The following NTMT1 variants were observed in gnomAD, a reference collection of about 807,000 sequenced individuals.
NTMT1 encodes the protein N-terminal RCC1 methyltransferase.
In NTMT1, 8 loss-of-function variants were observed where a neutral mutation model predicts 17.5. That is an observed-to-expected ratio of 0.46 (90% confidence interval 0.27 to 0.82). NTMT1 has a LOEUF of 0.82. Among genes scored for constraint, NTMT1 ranks in the 40% least tolerant of loss-of-function variants. The probability of loss-of-function intolerance (pLI) is 0.15; values close to 1 mark genes in which losing one functional copy is unlikely to be tolerated. For missense variants in NTMT1, 221 were observed against 303.5 expected (o/e 0.73, Z 2.02); for synonymous variants, 128 against 126.8 (o/e 1.01, Z -0.06).
upstream of NTMT1, among the ~76,000 whole-genome samples, chr9:129,622,764 A>G (rs1830771450): frequency 6.6e-6 from 1 of 152,078 alleles, no homozygotes; most frequent in Non-Finnish European, 1.5e-5. Flanking sequence ...CCAGTGGCTC[A>G]TACCTGTAAT....
rs1299263718 is a variant in NTMT1, at chr9:129,613,396, C to T, written c.-55+4218C>T. ...AGGCAAGGGGGGTGGAGGGCCCTGG[C>T]AATGTCCACGAGTCCCATCCGCTTC... On this transcript the variant is annotated intron_variant, in intron 1 of 3. Transcript: ENST00000372486. The surrounding 1 kb of genome is among the most constrained non-coding windows in gnomAD (Gnocchi z 6.2). The T allele has an allele frequency of 1.9e-6, 3 of 1,604,280 alleles. No homozygotes were observed. The highest frequency in any genetic ancestry group is 2.7e-5 in the African/African-American group (2 of 74,694).
chr9:129,632,331 C>G (rs1020873128), intron 1 of NTMT1, among the ~76,000 whole-genome samples: 3 of 152,230 alleles, frequency 2.0e-5, no homozygotes, highest in African/African-American at 7.2e-5. Context: ...GTAGTCCTAG[C>G]TGCTCCGGAG....
chr9:129,615,255 G>T (rs1830301770), intron 1 of NTMT1, among the ~76,000 whole-genome samples: 1 of 152,218 alleles, frequency 6.6e-6, no homozygotes, highest in South Asian at 2.1e-4. Flanking sequence ...AGTCCAAGGT[G>T]CTGCCTGCGT....
intron 1 of NTMT1, chr9:129,619,453 G>C (rs1272941033): frequency 8.8e-7 from 1 of 1,141,998 alleles, no homozygotes; most frequent in Non-Finnish European, 1.3e-6. Context: ...GGGCGAAAGA[G>C]GAAAGAAAGA....
chr9:129,613,226 G>A lies in NTMT1; in HGVS notation c.-55+4048G>A. 1 of 1,611,748 alleles carries A rather than the reference G, an allele frequency of 6.2e-7. No homozygotes were observed. The highest frequency in any genetic ancestry group is 1.1e-5 in the South Asian group (1 of 91,024). ...CTGTTCATGGAGGTGTCCTCAGAAA[G>A]GTAGCCCTGTGTCTTCTGGGTGGAC... On this transcript the variant is annotated intron_variant, in intron 1 of 3. Transcript: ENST00000372486. This position sits in a 1 kb window ranked among gnomAD's most constrained non-coding sequence, Gnocchi z 6.2.
chr9:129,619,310 A>G (rs1830553490), intron 1 of NTMT1, among the ~76,000 whole-genome samples: 1 of 152,206 alleles, frequency 6.6e-6, no homozygotes, highest in African/African-American at 2.4e-5. Context: ...AGAAGACCTC[A>G]TTAATGGATG....
chr9:129,612,692 G>C (rs1380406255), intron 1 of NTMT1, among the ~76,000 whole-genome samples: 1 of 152,338 alleles, frequency 6.6e-6, no homozygotes, highest in Admixed American at 6.5e-5. Flanking sequence ...AGCCTGGCCA[G>C]CATAGTGAAA....
chr9:129,612,972 C>G, intron 1 of NTMT1: 1 of 1,124,802 alleles, frequency 8.9e-7, no homozygotes, highest in Non-Finnish European at 1.3e-6. Context: ...CCACTGCAAG[C>G]CCCCACGGTG....
Position 129,635,512 on chromosome 9 carries a change from A to G in NTMT1, c.*48A>G, listed in dbSNP as rs1588146970. ...GAGGAACCACAGTCCTGGTGGGGGG[A>G]GCTGGCAGCTGGGCAAGATCCAGGC... On this transcript the variant is annotated 3_prime_UTR_variant, in exon 4 of 4. Coordinates refer to ENST00000372483, the MANE Select transcript of NTMT1 (RefSeq NM_014064.4). 6.4e-7 allele frequency: 1 copy of G among 1,570,822 alleles called. No individual in the cohort carries two copies. Among genetic ancestry groups the G allele is most frequent in the Non-Finnish European group, 8.6e-7 (1 of 1,157,330 alleles).
At chr9:129,615,407 G>A (rs1830316781) in intron 1 of NTMT1, 1 of 1,428,888 alleles carries the variant, frequency 7.0e-7, no homozygotes, top group Non-Finnish European at 9.3e-7. Flanking sequence ...TCACTCTAGG[G>A]GCCCGGAGCT....
Position 129,620,749 on chromosome 9 carries a change from A to G in NTMT1, c.-55+11571A>G. 1 of 509,414 alleles carries G rather than the reference A, an allele frequency of 2.0e-6. No individual in the cohort carries two copies. The highest frequency in any genetic ancestry group is 3.0e-6 in the Non-Finnish European group (1 of 328,984). 31.6% of individuals were successfully genotyped at this position (509,414 alleles called of 1,614,324 possible). A position where few individuals can be genotyped will look rare whatever the true frequency, so the allele number is the denominator to read the frequency against. On this transcript the variant is annotated intron_variant, in intron 1 of 3. Coordinates refer to the NTMT1 transcript ENST00000372486. This position sits in a 1 kb window ranked among gnomAD's most constrained non-coding sequence, Gnocchi z 5.8. ...CGAGTGGCTTCAGGCGAGAGCTCCC[A>G]GAGCCTCTGTTTCCTCACCTGAAAA...
upstream of NTMT1, among the ~76,000 whole-genome samples, chr9:129,622,234 T>TTG (rs1315358862): frequency 2.0e-5 from 3 of 152,228 alleles, no homozygotes; most frequent in African/African-American, 7.2e-5. Flanking sequence ...GTCTCACGCC[T>TTG]GTAATCCCAG....
intron 1 of NTMT1, among the ~76,000 whole-genome samples, chr9:129,615,298 C>A (rs1830307507): frequency 6.6e-6 from 1 of 152,212 alleles, no homozygotes; most frequent in African/African-American, 2.4e-5. Flanking sequence ...GGACCCTCTA[C>A]TTGGTCTTCG....
At position 129,620,900 on chromosome 9, in the gene NTMT1, T is replaced by G; in HGVS notation, c.-55+11722T>G. On this transcript the variant is annotated intron_variant, in intron 1 of 3. Coordinates refer to the NTMT1 transcript ENST00000372486. This position sits in a 1 kb window ranked among gnomAD's most constrained non-coding sequence, Gnocchi z 5.8. ...ACGCTGGCCAAGCTTACACATAGAC[T>G]AGCTGCCATTCTTAGTATTTCAAAG... 1 of 270,754 alleles carries G rather than the reference T, an allele frequency of 3.7e-6. No homozygotes were observed. Among genetic ancestry groups the G allele is most frequent in the Non-Finnish European group, 6.9e-6 (1 of 145,100 alleles). 16.8% of individuals were successfully genotyped at this position (270,754 alleles called of 1,614,324 possible).
In NTMT1 at chr9:129,635,553, C is replaced by T. The variant is rs541975307; in HGVS notation, c.*89C>T. 4.5e-5 allele frequency: 66 copies of T among 1,453,490 alleles called. No homozygotes were observed. The highest frequency in any genetic ancestry group is 2.2e-4 in the Admixed American group (11 of 50,676). 90.0% of individuals were successfully genotyped at this position (1,453,490 alleles called of 1,614,324 possible). A position where few individuals can be genotyped will look rare whatever the true frequency, so the allele number is the denominator to read the frequency against. ...AGATCCAGGCGCCACGCTGGCGGTT[C>T]GTGAGTGTCGAGGCACCACTAAATA... On this transcript the variant is annotated 3_prime_UTR_variant, in exon 4 of 4. Transcript: ENST00000372483.
intron 1 of NTMT1, chr9:129,615,519 T>A: frequency 6.2e-7 from 1 of 1,610,372 alleles, no homozygotes. Context: ...GAGCGTTGTG[T>A]CCTGCAGGGT....
chr9:129,611,918 A>AT (rs1038031952), intron 1 of NTMT1, among the ~76,000 whole-genome samples: 23 of 150,332 alleles, frequency 1.5e-4, no homozygotes, highest in South Asian at 8.5e-4. Flanking sequence ...ACGCCCAGCT[A>AT]TTTTTTTTTC....
intron 1 of NTMT1, among the ~76,000 whole-genome samples, chr9:129,610,040 G>A (rs953309906): frequency 3.3e-5 from 5 of 150,604 alleles, no homozygotes; most frequent in African/African-American, 9.8e-5. Context: ...CTCGGGGTGC[G>A]TATCTCGGTG....
At chr9:129,619,630 C>G (rs1830570767) in intron 1 of NTMT1, 11 of 1,613,954 alleles carry the variant, frequency 6.8e-6, no homozygotes, top group Non-Finnish European at 7.6e-6. Flanking sequence ...GGTGCGATGA[C>G]TGGCCCCTTA....
Sources: gnomAD v4.1 joint callset for allele counts (sites outside exome capture counted in the v4.1 genomes callset) on GRCh38, gnomAD v4.1.1 for gene constraint, Gnocchi (gnomAD v3.1) non-coding constraint, MANE v1.5 for transcripts, NCBI Gene and HGNC (gene_info 2026-07-23, HGNC 2026-07-21) for gene names.